Variants in ROR1 observed in about 807,000 individuals in gnomAD.
ROR1 encodes inactive tyrosine-protein kinase transmembrane receptor ROR1.
A neutral mutation model predicts 78.8 loss-of-function variants in ROR1; 19 were observed. That is an observed-to-expected ratio of 0.24 (90% CI 0.17 to 0.35). The LOEUF (loss-of-function observed/expected upper bound fraction) is 0.35, where lower values mean the gene tolerates loss of function less well. Ranked by LOEUF, ROR1 falls within the 10% of genes least tolerant of loss-of-function variation. ROR1 has a pLI of 1.00. For missense variants in ROR1, 917 were observed against 1,177.8 expected (o/e 0.78, Z 3.24); for synonymous variants, 386 against 433.6 (o/e 0.89, Z 1.36).
Position 64,008,319 on chromosome 1 carries a change from A to G in ROR1, c.92-986A>G, listed in dbSNP as rs193106467. 4.0e-3 allele frequency among the ~76,000 whole-genome samples: 604 copies of G among 152,304 alleles called. 5 individuals carry two copies. The highest frequency in any genetic ancestry group is 0.014 in the African/African-American group (578 of 41,566). On this transcript the variant is annotated intron_variant, in intron 1 of 8. Transcript: ENST00000371079. ...TTCATTATTTTTATGGCTACATAGTATTCCATGGTATATATGTACCACATT... is the reference window on the plus strand; with the variant it reads ...TTCATTATTTTTATGGCTACATAGTGTTCCATGGTATATATGTACCACATT...
chr1:63,797,576 G>C (rs981119336), intron 1 of ROR1, among the ~76,000 whole-genome samples: 6 of 152,156 alleles, frequency 3.9e-5, no homozygotes, highest in African/African-American at 1.4e-4. Flanking sequence ...ACAATTAGTA[G>C]GGTTTATTTG....
chr1:64,113,711 C>T (rs1394943265), intron 4 of ROR1: 1 of 151,646 alleles, frequency 6.6e-6, no homozygotes, highest in Admixed American at 6.6e-5. Flanking sequence ...TTCAAAGACC[C>T]TCATTTGAAG....
intron 1 of ROR1, among the ~76,000 whole-genome samples, chr1:63,840,456 A>AT (rs1460826949): frequency 1.1e-4 from 17 of 151,320 alleles, no homozygotes; most frequent in African/African-American, 4.1e-4. Flanking sequence ...ATTTTTTTGT[A>AT]TTTTTAGTAG....
chr1:63,880,233 G>C (rs1645313930), intron 1 of ROR1, among the ~76,000 whole-genome samples: 1 of 152,192 alleles, frequency 6.6e-6, no homozygotes, highest in Admixed American at 6.6e-5. Flanking sequence ...ATAAATGTTA[G>C]CTATTAGTAT....
intron 1 of ROR1, among the ~76,000 whole-genome samples, chr1:63,950,863 G>T (rs1159027318): frequency 6.6e-6 from 1 of 152,178 alleles, no homozygotes; most frequent in Admixed American, 6.5e-5. Flanking sequence ...GAAGGGAGCA[G>T]AAAATGACAT....
At chr1:63,959,430 C>T (rs529063821) in intron 1 of ROR1, among the ~76,000 whole-genome samples, 19 of 152,156 alleles carry the variant, frequency 1.2e-4, no homozygotes, top group African/African-American at 4.1e-4. Flanking sequence ...CTCCTTTCAC[C>T]GAGTGCTGAC....
chr1:64,135,634 T>C (rs958685310), intron 4 of ROR1, among the ~76,000 whole-genome samples: 1 of 152,184 alleles, frequency 6.6e-6, no homozygotes, highest in African/African-American at 2.4e-5. Flanking sequence ...AAAAGTTGGG[T>C]TAATTTTACA....
chr1:64,099,137 T>A (rs1024290452), intron 4 of ROR1, among the ~76,000 whole-genome samples: 2 of 152,050 alleles, frequency 1.3e-5, no homozygotes, highest in Non-Finnish European at 1.5e-5. Flanking sequence ...CACATTAGCG[T>A]ATACTCCCAC....
In ROR1 at chr1:64,048,138, A is replaced by G. The variant is rs536700221; in HGVS notation, c.164-1553A>G. Among the ~76,000 whole-genome samples, 29 of 152,382 alleles carry G rather than the reference A, an allele frequency of 1.9e-4. No individual in the cohort carries two copies. The South Asian group carries it at 5.8e-3, about 30-fold the overall frequency. The stretch of plus-strand genomic sequence containing the variant: ...ATTAAATTACCCGGTTAAATAGCTC[A>G]GAAAAATGTTACTTTTCAATAAACT... On this transcript the variant is annotated intron_variant, in intron 2 of 8. Transcript: ENST00000371079.
chr1:63,815,478 C>G (rs9701575), intron 1 of ROR1, among the ~76,000 whole-genome samples: 1 of 103,508 alleles, frequency 9.7e-6, no homozygotes, highest in Non-Finnish European at 1.8e-5. Context: ...CTTTTCTTTT[C>G]TTTTTCTTTT....
intron 1 of ROR1, among the ~76,000 whole-genome samples, chr1:63,917,185 G>A (rs855818): frequency 8.7e-4 from 133 of 152,280 alleles, no homozygotes; most frequent in African/African-American, 3.1e-3. Context: ...TTATACATTT[G>A]TGTGATTACC....
At chr1:63,963,070 G>C (rs544675458) in intron 1 of ROR1, among the ~76,000 whole-genome samples, 50 of 152,254 alleles carry the variant, frequency 3.3e-4, no homozygotes, top group African/African-American at 1.2e-3. Flanking sequence ...ACTAGACAGT[G>C]AGTTTCTCAG....
chr1:63,780,219 T>C (rs1251627459), intron 1 of ROR1, among the ~76,000 whole-genome samples: 1 of 151,726 alleles, frequency 6.6e-6, no homozygotes, highest in African/African-American at 2.4e-5. Context: ...AGATCAACAG[T>C]CCAAACTTTA....
intron 1 of ROR1, among the ~76,000 whole-genome samples, chr1:63,783,849 A>C (rs745943168): frequency 3.3e-4 from 51 of 152,322 alleles, no homozygotes; most frequent in South Asian, 1.7e-3. Flanking sequence ...CTCACAATGC[A>C]TGTGGCAGGG....
At chr1:63,782,180 G>A (rs1644655452) in intron 1 of ROR1, among the ~76,000 whole-genome samples, 2 of 152,208 alleles carry the variant, frequency 1.3e-5, no homozygotes, top group African/African-American at 4.8e-5. Flanking sequence ...TCAAATGACA[G>A]ATTTATGGCA....
At chr1:63,941,308 C>T (rs1645837820) in intron 1 of ROR1, among the ~76,000 whole-genome samples, 1 of 152,122 alleles carries the variant, frequency 6.6e-6, no homozygotes. Context: ...ACTTATTCAT[C>T]TGTAGTTCAG....
chr1:64,146,431 G>T (rs1474043182), intron 7 of ROR1, among the ~76,000 whole-genome samples: 1 of 152,148 alleles, frequency 6.6e-6, no homozygotes, highest in African/African-American at 2.4e-5. Context: ...AGCCGAGATC[G>T]CACCACTGCA....
At chr1:63,885,120 A>G (rs1645348625) in intron 1 of ROR1, among the ~76,000 whole-genome samples, 1 of 152,194 alleles carries the variant, frequency 6.6e-6, no homozygotes, top group Non-Finnish European at 1.5e-5. Flanking sequence ...GCATATAGAA[A>G]AAAACATAAT....
chr1:63,788,745 G>A (rs1644706913), intron 1 of ROR1: 2 of 464,392 alleles, frequency 4.3e-6, no homozygotes, highest in Non-Finnish European at 8.3e-6. Flanking sequence ...CCTTGGACAA[G>A]GTCTTGATGA....
Sources: allele counts gnomAD v4.1 joint callset (sites outside exome capture counted in the v4.1 genomes callset), GRCh38; gene constraint gnomAD v4.1.1; transcripts MANE v1.5; gene names NCBI Gene and HGNC (gene_info 2026-07-23, HGNC 2026-07-21).